Variants in PIP5K1B observed in about 807,000 individuals in gnomAD.
PIP5K1B encodes phosphatidylinositol 4-phosphate 5-kinase type-1 beta.
In PIP5K1B, 42 loss-of-function variants were observed where a neutral mutation model predicts 67.0. The ratio of observed to expected loss-of-function variants is 0.63; its 90% CI spans 0.49 to 0.81. The LOEUF is 0.81. PIP5K1B is among the 30% of genes least tolerant of loss of function. The pLI, the probability that PIP5K1B is intolerant of heterozygous loss-of-function variation, is 0.00. For synonymous variants in PIP5K1B, 214 were observed against 231.4 expected (o/e 0.92, Z 0.68); for missense variants, 459 against 646.3 (o/e 0.71, Z 3.14).
intron 4 of PIP5K1B, among the ~76,000 whole-genome samples, chr9:68,856,542 C>T (rs1050287720): frequency 2.6e-5 from 4 of 152,172 alleles, no homozygotes; most frequent in Non-Finnish European, 5.9e-5. Flanking sequence ...AATTATTTCA[C>T]GCTGTTCTTT....
intron 1 of PIP5K1B, 92 bp downstream of exon 1, chr9:68,705,854 G>GTC (rs922682051): frequency 2.0e-5 from 3 of 152,178 alleles, no homozygotes; most frequent in Non-Finnish European, 4.4e-5. Context: ...AAACCCGTCG[G>GTC]TCTCTCTACC....
intron 12 of PIP5K1B, among the ~76,000 whole-genome samples, chr9:68,928,074 C>CA (rs147455444): frequency 0.03 from 4,254 of 141,050 alleles, 87 homozygotes; most frequent in Middle Eastern, 0.065. Context: ...ATAAACCAGA[C>CA]AAAAAAAAAA....
intron 1 of PIP5K1B, among the ~76,000 whole-genome samples, chr9:68,714,617 G>A (rs554735823): frequency 3.3e-5 from 5 of 152,248 alleles, no homozygotes; most frequent in South Asian, 2.1e-4. Context: ...AAACCCTCAC[G>A]GAAGCACACA....
chr9:68,951,821 C>T (rs889304116), intron 14 of PIP5K1B, among the ~76,000 whole-genome samples: 6 of 152,192 alleles, frequency 3.9e-5, no homozygotes, highest in African/African-American at 1.4e-4. Flanking sequence ...TCCACCTCCC[C>T]CTACGTCTTC....
chr9:68,836,025 C>G (rs10869395), intron 4 of PIP5K1B, among the ~76,000 whole-genome samples: 56,665 of 151,684 alleles, frequency 0.37, 10,888 homozygotes, highest in East Asian at 0.5. Flanking sequence ...TTTTTCTGGG[C>G]AGAAGCAAGT....
intron 1 of PIP5K1B, among the ~76,000 whole-genome samples, chr9:68,734,007 A>G (rs181107016): frequency 1.1e-4 from 16 of 152,338 alleles, no homozygotes; most frequent in Non-Finnish European, 1.3e-4. Context: ...TATTGTGGTG[A>G]TTAAGAGCTT....
chr9:68,721,342 A>G (rs1420012170), intron 1 of PIP5K1B, among the ~76,000 whole-genome samples: 1 of 152,128 alleles, frequency 6.6e-6, no homozygotes, highest in African/African-American at 2.4e-5. Context: ...GTGGATAGGG[A>G]AGAGTGAGTA....
intron 15 of PIP5K1B, among the ~76,000 whole-genome samples, chr9:68,999,288 C>G (rs751410678): frequency 1.3e-5 from 2 of 152,192 alleles, no homozygotes; most frequent in African/African-American, 2.4e-5. Context: ...GTCTGAGGCT[C>G]CAAGTGGATA....
rs373344916 is a variant in PIP5K1B at position 68,917,432 on chromosome 9, C to T, written c.772-116C>T. The T allele has an allele frequency of 7.9e-6, 6 of 761,678 alleles. No homozygotes were observed. In the South Asian group the frequency reaches 8.3e-5, roughly 11 times the overall value. The allele number at this position is 761,678 out of a possible 1,614,324, so 47.2% of individuals were successfully genotyped here. A position where few individuals can be genotyped will look rare whatever the true frequency, so the allele number is the denominator to read the frequency against. On this transcript the variant is annotated intron_variant, in intron 8 of 15. Transcript: ENST00000265382. ...TTGATTCTTCATCTCTCAGCCACCC[C>T]GCTGGGAGGAATAACAGGAGCTGTG... is the stretch of plus-strand genomic sequence containing the variant.
rs530549798 is a variant in PIP5K1B, at chr9:68,894,007, AC to A, written c.472-330del. The stretch of plus-strand genomic sequence containing the variant: ...AAAATTTTAAATGTTCATCCCTCAT[AC>A]CTTGGCAATTCGTTTTCTCTTTGGC... On this transcript the variant is annotated intron_variant, in intron 7 of 15. Coordinates refer to ENST00000265382, the MANE Select transcript of PIP5K1B (RefSeq NM_003558.4). Among the ~76,000 whole-genome samples, 414 of 152,214 alleles carry A rather than the reference AC, an allele frequency of 2.7e-3. 3 individuals carry two copies. Among genetic ancestry groups the A allele is most frequent in the African/African-American group, 9.6e-3 (397 of 41,542 alleles).
In PIP5K1B at chr9:68,956,937, C is replaced by A. The variant is rs142292636; in HGVS notation, c.1502+16147C>A. 4.0e-3 allele frequency among the ~76,000 whole-genome samples: 611 copies of A among 152,184 alleles called. 1 individual carries two copies. The highest frequency in any genetic ancestry group is 6.5e-3 in the Non-Finnish European group (444 of 68,016). On this transcript the variant is annotated intron_variant, in intron 14 of 15. Coordinates refer to ENST00000265382, the MANE Select transcript of PIP5K1B (RefSeq NM_003558.4). ...CCTCTGTGTTCCCCAGAGGGCAGTA[C>A]AAATATTACCGCCCACTGTGATTGT...
rs145807435 is a variant in PIP5K1B at position 68,878,151 on chromosome 9, A to G, written c.318+1357A>G. Among the ~76,000 whole-genome samples, 612 of 152,198 alleles carry G rather than the reference A, an allele frequency of 4.0e-3. 1 individual carries two copies. The highest frequency in any genetic ancestry group is 6.6e-3 in the Non-Finnish European group (448 of 68,010). ...AGAAACCCAATGGGGTTTTGATATT[A>G]TATTATGGAAAACAAGATCTCTTAT... is the stretch of plus-strand genomic sequence containing the variant. On this transcript the variant is annotated intron_variant, in intron 6 of 15. Transcript: ENST00000265382.
At chr9:68,788,422 G>T in intron 2 of PIP5K1B, 2 of 570,072 alleles carry the variant, frequency 3.5e-6, no homozygotes, top group Non-Finnish European at 3.2e-6. Flanking sequence ...GCCAGCTGCT[G>T]CATCTTAACT....
intron 2 of PIP5K1B, among the ~76,000 whole-genome samples, chr9:68,767,974 G>A (rs1287815752): frequency 6.6e-6 from 1 of 151,868 alleles, no homozygotes; most frequent in Admixed American, 6.6e-5. Context: ...CAAATAAAAA[G>A]AAAAAAATTA....
At chr9:68,882,106 C>A (rs1041593965) in intron 6 of PIP5K1B, among the ~76,000 whole-genome samples, 5 of 151,786 alleles carry the variant, frequency 3.3e-5, no homozygotes, top group African/African-American at 1.2e-4. Flanking sequence ...GAAGCAAGAG[C>A]ATGAATACAT....
chr9:68,760,081 T>G (rs1830117071), intron 2 of PIP5K1B, among the ~76,000 whole-genome samples: 1 of 152,132 alleles, frequency 6.6e-6, no homozygotes, highest in Admixed American at 6.6e-5. Flanking sequence ...TAGGGCTAAA[T>G]GTATTAAATT....
intron 5 of PIP5K1B, among the ~76,000 whole-genome samples, chr9:68,865,295 A>G (rs1428487976): frequency 2.0e-5 from 3 of 151,208 alleles, no homozygotes; most frequent in Non-Finnish European, 4.4e-5. Flanking sequence ...ACAGCCTACC[A>G]TTCCAAAAAA....
chr9:68,723,764 T>G (rs972591640), intron 1 of PIP5K1B, among the ~76,000 whole-genome samples: 10 of 145,332 alleles, frequency 6.9e-5, no homozygotes, highest in African/African-American at 2.5e-4. Context: ...TATTAATCCC[T>G]TGTCAAATGG....
intron 1 of PIP5K1B, among the ~76,000 whole-genome samples, chr9:68,723,313 A>G (rs1308939521): frequency 6.6e-6 from 1 of 152,142 alleles, no homozygotes; most frequent in Non-Finnish European, 1.5e-5. Flanking sequence ...GAGTGCAGAT[A>G]TCTCTTTGAT....
Sources: allele counts gnomAD v4.1 joint callset (sites outside exome capture counted in the v4.1 genomes callset), GRCh38; gene constraint gnomAD v4.1.1; transcripts MANE v1.5; gene names NCBI Gene and HGNC (gene_info 2026-07-23, HGNC 2026-07-21).